Variants in CPA4 observed in about 807,000 individuals in gnomAD.
CPA4 encodes carboxypeptidase A4.
In CPA4, 49 loss-of-function variants were observed where a neutral mutation model predicts 54.7. The observed-to-expected ratio is 0.90, with a 90% CI of 0.71 to 1.14. The LOEUF (loss-of-function observed/expected upper bound fraction) is 1.14, where lower values mean the gene tolerates loss of function less well. Ranked by LOEUF, CPA4 falls within the 50% of genes most tolerant of loss-of-function variation. CPA4 has a pLI of 0.00. For missense variants in CPA4, 487 were observed against 525.1 expected, an observed-to-expected ratio of 0.93 and a Z score of 0.71; for synonymous variants, 215 against 206.8, an observed-to-expected ratio of 1.04 and a Z score of -0.34.
intron 7 of CPA4, 73 bp from the exon 8 acceptor site, chr7:130,308,234 A>T (rs563341401): frequency 1.2e-4 from 163 of 1,315,382 alleles, no homozygotes; most frequent in Non-Finnish European, 1.7e-4. Flanking sequence ...CCTGCGTGTC[A>T]TCTCCACCCT....
At position 130,323,707 on chromosome 7, in the gene CPA4, A is replaced by C. The variant is rs773827466; in HGVS notation, c.*1031A>C. On this transcript the variant is annotated 3_prime_UTR_variant, in exon 11 of 11. Transcript: ENST00000222482. ...GAAGGCTGGGTGAAGTGACCATCTAAATTGCAGGATGGTGAAATTATCCCC... is the reference window on the plus strand; with the variant it reads ...GAAGGCTGGGTGAAGTGACCATCTACATTGCAGGATGGTGAAATTATCCCC... 2.0e-5 allele frequency: 3 copies of C among 152,112 alleles called. No individual in the cohort carries two copies. 9.4% of individuals were successfully genotyped at this position (152,112 alleles called of 1,614,324 possible). A position where few individuals can be genotyped will look rare whatever the true frequency, so the allele number is the denominator to read the frequency against.
chr7:130,304,347 C>T (rs981341226), intron 4 of CPA4, 131 bp from the exon 5 acceptor site: 14 of 730,874 alleles, frequency 1.9e-5, no homozygotes, highest in African/African-American at 5.2e-5. Context: ...GTTTCCATGC[C>T]GATAATATGG....
intron 2 of CPA4, 94 bp from the exon 3 acceptor site, chr7:130,299,176 C>T (rs909948219): frequency 7.6e-7 from 1 of 1,316,760 alleles, no homozygotes; most frequent in Non-Finnish European, 1.1e-6. Context: ...TCTCAGGGAT[C>T]ACCCTGGCTT....
At chr7:130,300,524 C>G (rs1043104715) in intron 3 of CPA4, among the ~76,000 whole-genome samples, 1 of 151,666 alleles carries the variant, frequency 6.6e-6, no homozygotes, top group Admixed American at 6.6e-5. Context: ...TTAGTAGAGA[C>G]AGGGTCTCAC....
rs2117181424 is a variant in CPA4, at chr7:130,322,668, C to T, written c.1258C>T (p.Leu420Phe). ...CATCATGGAGCATGTGCGGGACAAC[C>T]TCTACTAGGCGATGGCTCTGCTCTG... ...KTIMEHVRDN[L>F]Y The change falls in exon 11 of 11, where the codon CTC becomes TTC. Residue 420 changes from leucine (L) to phenylalanine (F), a missense_variant. Coordinates refer to ENST00000222482, the MANE Select transcript of CPA4 (RefSeq NM_016352.4). 6.2e-7 allele frequency: 1 copy of T among 1,613,206 alleles called. No homozygotes were observed. The highest frequency in any genetic ancestry group is 8.5e-7 in the Non-Finnish European group (1 of 1,179,586).
chr7:130,321,633 G>T (rs1794102994), intron 10 of CPA4, among the ~76,000 whole-genome samples: 1 of 152,146 alleles, frequency 6.6e-6, no homozygotes, highest in Non-Finnish European at 1.5e-5. Context: ...CCACGTGGCT[G>T]GTGAGGCCTC....
chr7:130,305,808 T>C lies in CPA4; in HGVS notation c.487-8T>C. ...CGGTCATTTTCGAGCCTTTTCTCCCTTCTGCAGTTCAGCACTGGGAAAGGC... is the reference window on the plus strand; with the variant it reads ...CGGTCATTTTCGAGCCTTTTCTCCCCTCTGCAGTTCAGCACTGGGAAAGGC... On this transcript the variant is annotated splice_polypyrimidine_tract_variant and splice_region_variant and intron_variant, in intron 5 of 10. Transcript: ENST00000222482. The C allele has an allele frequency of 6.2e-7, 1 of 1,612,704 alleles. No individual in the cohort carries two copies. The highest frequency in any genetic ancestry group is 8.5e-7 in the Non-Finnish European group (1 of 1,178,686).
intron 4 of CPA4, among the ~76,000 whole-genome samples, chr7:130,302,201 T>G (rs1793749075): frequency 6.6e-6 from 1 of 152,128 alleles, no homozygotes; most frequent in Non-Finnish European, 1.5e-5. Flanking sequence ...GAACTCGTAT[T>G]CTAGGCTGGG....
chr7:130,295,020 T>C (rs1036972372), intron 1 of CPA4, among the ~76,000 whole-genome samples: 3 of 152,128 alleles, frequency 2.0e-5, no homozygotes, highest in Non-Finnish European at 4.4e-5. Context: ...TCTTCTGCCC[T>C]GGTCTTCAGA....
At chr7:130,304,782 C>T (rs1304347068) in intron 5 of CPA4, 2 of 597,840 alleles carry the variant, frequency 3.3e-6, no homozygotes, top group African/African-American at 3.7e-5. Flanking sequence ...GAGCACATCC[C>T]ATTCCAAGTT....
chr7:130,293,453 C>T (rs1312909402), intron 1 of CPA4: 4 of 548,940 alleles, frequency 7.3e-6, no homozygotes, highest in Non-Finnish European at 1.3e-5. Context: ...ATGATCATTG[C>T]AGTCTCTCCC....
At chr7:130,293,358 C>T (rs1351147614) in intron 1 of CPA4, 110 bp downstream of exon 1, 1 of 741,264 alleles carries the variant, frequency 1.3e-6, no homozygotes, top group South Asian at 1.4e-5. Context: ...GACCTGGGCT[C>T]TTGTTCCAGC....
chr7:130,293,341 G>A, intron 1 of CPA4, 93 bp downstream of exon 1: 1 of 800,920 alleles, frequency 1.2e-6, no homozygotes, highest in Non-Finnish European at 2.2e-6. Flanking sequence ...CTCACATGGA[G>A]GAAGAAGACC....
intron 10 of CPA4, among the ~76,000 whole-genome samples, chr7:130,315,711 G>A (rs2117159741): frequency 6.6e-6 from 1 of 152,262 alleles, no homozygotes; most frequent in African/African-American, 2.4e-5. Context: ...ATTGAACCTT[G>A]TTTACTGGGG....
rs369400058 is a variant in CPA4 at position 130,305,807 on chromosome 7, C to T, written c.487-9C>T. ...GCGGTCATTTTCGAGCCTTTTCTCC[C>T]TTCTGCAGTTCAGCACTGGGAAAGG... On this transcript the variant is annotated splice_polypyrimidine_tract_variant and intron_variant, in intron 5 of 10. Coordinates refer to ENST00000222482, the MANE Select transcript of CPA4 (RefSeq NM_016352.4). 6.1e-4 allele frequency: 991 copies of T among 1,612,424 alleles called. No homozygotes were observed. The highest frequency in any genetic ancestry group is 7.1e-4 in the Non-Finnish European group (838 of 1,178,438).
Position 130,310,647 on chromosome 7 carries a change from A to G in CPA4, c.794-140A>G, listed in dbSNP as rs1793896133. ...CATGCCTTCTCTGCAGTCCACACCC[A>G]CCATGGACTAGGTGCTCTGGGCCGT... On this transcript the variant is annotated intron_variant, in intron 8 of 10. Transcript: ENST00000222482. The surrounding 1 kb of genome is among the most constrained non-coding windows in gnomAD (Gnocchi z 4.3). The G allele has an allele frequency of 1.4e-6, 1 of 705,114 alleles. No homozygotes were observed. The highest frequency in any genetic ancestry group is 2.4e-6 in the Non-Finnish European group (1 of 408,230). The allele number at this position is 705,114 out of a possible 1,614,324, so 43.7% of individuals were successfully genotyped here. A position where few individuals can be genotyped will look rare whatever the true frequency, so the allele number is the denominator to read the frequency against.
intron 1 of CPA4, among the ~76,000 whole-genome samples, chr7:130,295,130 G>C (rs1267925706): frequency 1.3e-5 from 2 of 152,248 alleles, no homozygotes; most frequent in Non-Finnish European, 2.9e-5. Flanking sequence ...ACAGTAGCTG[G>C]CAGGCATCTA....
intron 4 of CPA4, 151 bp downstream of exon 4, chr7:130,301,065 G>A: frequency 3.3e-6 from 2 of 611,368 alleles, no homozygotes; most frequent in South Asian, 2.2e-5. Context: ...TCTAATTCTT[G>A]GATTGCTGAA....
chr7:130,293,549 C>G (rs1458920547), intron 1 of CPA4: 1 of 313,278 alleles, frequency 3.2e-6, no homozygotes, highest in African/African-American at 2.2e-5. Flanking sequence ...TTACTCCTAC[C>G]TTATTAATTA....
Sources: allele counts gnomAD v4.1 joint callset (sites outside exome capture counted in the v4.1 genomes callset), GRCh38; gene constraint gnomAD v4.1.1; non-coding constraint Gnocchi (gnomAD v3.1); transcripts MANE v1.5; gene names NCBI Gene and HGNC (gene_info 2026-07-23, HGNC 2026-07-21).